ILDR1: variants seen among roughly 807,000 people sequenced by gnomAD.
ILDR1 encodes the protein immunoglobulin-like domain-containing receptor 1.
ILDR1 carries 56 observed loss-of-function variants against 62.4 expected under a neutral mutation model. The ratio of observed to expected loss-of-function variants is 0.90; its 90% CI spans 0.72 to 1.12. ILDR1 has a LOEUF of 1.12. Among genes scored for constraint, ILDR1 ranks in the 50% most tolerant of loss-of-function variants. ILDR1 has a pLI of 0.00. For synonymous variants in ILDR1, 284 were observed against 277.8 expected (o/e 1.02, Z -0.22); for missense variants, 736 against 710.6 (o/e 1.04, Z -0.41).
chr3:122,019,099 T>C (rs913736533), intron 1 of ILDR1, among the ~76,000 whole-genome samples: 1 of 152,214 alleles, frequency 6.6e-6, no homozygotes, highest in African/African-American at 2.4e-5. Flanking sequence ...CACATCCTTT[T>C]AGAGTTTGGG....
chr3:122,056,284 G>C, the ILDR1 span, among the ~76,000 whole-genome samples: 1 of 152,116 alleles, frequency 6.6e-6, no homozygotes. Flanking sequence ...AGTCACACCC[G>C]CCCTTCTCTT....
intron 3 of ILDR1, among the ~76,000 whole-genome samples, chr3:122,004,553 G>A (rs1209559283): frequency 1.1e-4 from 16 of 152,152 alleles, no homozygotes; most frequent in Admixed American, 9.2e-4. Context: ...CCAGAGTCAG[G>A]GCTCTCACCA....
chr3:121,993,056 G>A (rs2071373048), intron 7 of ILDR1, 94 bp downstream of exon 7: 2 of 1,039,440 alleles, frequency 1.9e-6, no homozygotes, highest in South Asian at 1.4e-5. Context: ...CCTCTGTGGT[G>A]GAATGAGAGG....
chr3:122,047,733 G>C, the ILDR1 span, among the ~76,000 whole-genome samples: 2 of 152,234 alleles, frequency 1.3e-5, no homozygotes, highest in East Asian at 3.8e-4. Context: ...CTGACCCCTT[G>C]CACTTCCCAA....
the ILDR1 span, among the ~76,000 whole-genome samples, chr3:122,032,548 C>A: frequency 1.3e-5 from 2 of 152,184 alleles, no homozygotes; most frequent in Non-Finnish European, 2.9e-5. Context: ...TCCATAAATT[C>A]TTCAACCCTC....
At chr3:122,041,889 G>C in the ILDR1 span, among the ~76,000 whole-genome samples, 1 of 148,648 alleles carries the variant, frequency 6.7e-6, no homozygotes, top group Non-Finnish European at 1.5e-5. Context: ...TTTCCAATTT[G>C]AATGCCCTTT....
the ILDR1 span, among the ~76,000 whole-genome samples, chr3:122,050,229 T>C: frequency 6.6e-6 from 1 of 152,196 alleles, no homozygotes; most frequent in Non-Finnish European, 1.5e-5. Flanking sequence ...CTGTGCTATG[T>C]CATTTGGGCA....
the ILDR1 span, among the ~76,000 whole-genome samples, chr3:122,051,796 C>A: frequency 6.6e-6 from 1 of 152,164 alleles, no homozygotes; most frequent in African/African-American, 2.4e-5. Flanking sequence ...CTGGGAAAGA[C>A]CTTCATAATC....
intron 5 of ILDR1, among the ~76,000 whole-genome samples, chr3:122,000,254 A>G (rs1253790083): frequency 1.4e-5 from 2 of 138,306 alleles, no homozygotes; most frequent in East Asian, 2.0e-4. Flanking sequence ...GTTAAGGAGG[A>G]AAAAAAAAAA....
Position 121,993,321 on chromosome 3 carries a change from G to A in ILDR1, c.1428C>T (p.Leu476=). 1 of 1,611,708 alleles carries A rather than the reference G, an allele frequency of 6.2e-7. No individual in the cohort carries two copies. Among genetic ancestry groups the A allele is most frequent in the Non-Finnish European group, 8.5e-7 (1 of 1,178,300 alleles). The change falls in exon 7 of 8, where the codon CTC becomes CTT. Residue 476 remains leucine, a synonymous_variant. Transcript: ENST00000344209. The stretch of plus-strand genomic sequence containing the variant: ...TGTCCTCTTCAGAGCTCCAGGAACT[G>A]AGGCCGGAGGGCAAGGGAGGAGAGT... ...RSYSPPLPSG[L]SSWSSEEDKE... is the part of the protein sequence containing the mutation.
upstream of ILDR1, chr3:122,022,307 T>G: frequency 2.3e-6 from 1 of 429,048 alleles, no homozygotes; most frequent in Admixed American, 4.5e-5. Context: ...GCGCCGCCGT[T>G]TCCTGCTCCG....
rs973136964 is a variant in ILDR1 at position 122,001,760 on chromosome 3, T to C, written c.484A>G (p.Lys162Glu). 6.2e-7 allele frequency: 1 copy of C among 1,613,506 alleles called. No individual in the cohort carries two copies. Among genetic ancestry groups the C allele is most frequent in the Admixed American group, 1.7e-5 (1 of 59,998 alleles). The change falls in exon 4 of 8, where the codon AAG becomes GAG. Residue 162 changes from lysine (K) to glutamate (E), a missense_variant. Physicochemically the swap from Lys to Glu is moderately conservative, Grantham distance 56. Coordinates refer to ENST00000344209, the MANE Select transcript of ILDR1 (RefSeq NM_001199799.2). ...TAGCACTTACGTAGGACGATGAGCT[T>C]TACTTCCTTATCGGGGTCTCCTGAT... The part of the protein sequence containing the change: ...DTSGDPDKEV[K>E]LIVLHWLTVI...
the ILDR1 span, among the ~76,000 whole-genome samples, chr3:122,029,240 C>T: frequency 6.6e-6 from 1 of 152,028 alleles, no homozygotes; most frequent in South Asian, 2.1e-4. Flanking sequence ...GGTGTGGTGG[C>T]TCATGCCTGT....
chr3:121,999,346 A>C (rs1472998914), intron 5 of ILDR1, among the ~76,000 whole-genome samples: 1 of 152,230 alleles, frequency 6.6e-6, no homozygotes, highest in Non-Finnish European at 1.5e-5. Flanking sequence ...AATGTTATTG[A>C]AAATAGAAGC....
the ILDR1 span, among the ~76,000 whole-genome samples, chr3:122,050,609 T>C: frequency 7.2e-6 from 1 of 138,278 alleles, no homozygotes; most frequent in Admixed American, 7.4e-5. Context: ...CATTAATATA[T>C]TTTTATAATT....
intron 2 of ILDR1, 48 bp downstream of exon 2, chr3:122,006,942 AC>A: frequency 6.3e-7 from 1 of 1,577,300 alleles, no homozygotes; most frequent in East Asian, 2.3e-5. Flanking sequence ...GCAGTATGTC[AC>A]AGAGGTGTCT....
In ILDR1 at chr3:122,000,874, T is replaced by C. The variant is rs145337391; in HGVS notation, c.646+434A>G. 2.9e-3 allele frequency among the ~76,000 whole-genome samples: 446 copies of C among 152,348 alleles called. 2 individuals carry two copies. Among genetic ancestry groups the C allele is most frequent in the African/African-American group, 0.01 (428 of 41,584 alleles). ...GTGGGGAAAACACACACACACTTGG[T>C]GTCAGAAGTATCGAGTGGCATGTGA... On this transcript the variant is annotated intron_variant, in intron 5 of 7. Coordinates refer to ENST00000344209, the MANE Select transcript of ILDR1 (RefSeq NM_001199799.2).
At chr3:122,038,700 T>C in the ILDR1 span, among the ~76,000 whole-genome samples, 2 of 152,106 alleles carry the variant, frequency 1.3e-5, no homozygotes, top group Non-Finnish European at 2.9e-5. Context: ...GACATGGAAT[T>C]TAAAATAGCT....
At chr3:122,037,621 C>T in the ILDR1 span, among the ~76,000 whole-genome samples, 2 of 152,164 alleles carry the variant, frequency 1.3e-5, no homozygotes, top group Non-Finnish European at 2.9e-5. Context: ...AAGGACTTGC[C>T]TTGTCTCAGA....
Sources: gnomAD v4.1 joint callset for allele counts (sites outside exome capture counted in the v4.1 genomes callset) on GRCh38, gnomAD v4.1.1 for gene constraint, MANE v1.5 for transcripts, NCBI Gene and HGNC (gene_info 2026-07-23, HGNC 2026-07-21) for gene names.